ENTPD3: variants seen among roughly 807,000 people sequenced by gnomAD.
ENTPD3 encodes the protein CD39 antigen-like 3.
ENTPD3 carries 60 observed loss-of-function variants against 51.2 expected under a neutral mutation model. The ratio of observed to expected loss-of-function variants is 1.17; its 90% CI spans 0.95 to 1.45. ENTPD3 has a LOEUF of 1.45. Ranked by LOEUF, ENTPD3 falls within the 40% of genes most tolerant of loss-of-function variation. ENTPD3 has a pLI of 0.00. For missense variants in ENTPD3, 593 were observed against 641.1 expected, an observed-to-expected ratio of 0.93 and a Z score of 0.81; for synonymous variants, 221 against 238.4, an observed-to-expected ratio of 0.93 and a Z score of 0.67.
chr3:40,395,922 G>A (rs1051545587), intron 3 of ENTPD3, among the ~76,000 whole-genome samples: 1 of 152,140 alleles, frequency 6.6e-6, no homozygotes, highest in Non-Finnish European at 1.5e-5. Context: ...GGAAAAGAAA[G>A]GGCAAATAGC....
intron 4 of ENTPD3, among the ~76,000 whole-genome samples, chr3:40,405,923 T>C (rs771922825): frequency 6.6e-6 from 1 of 152,212 alleles, no homozygotes; most frequent in African/African-American, 2.4e-5. Flanking sequence ...TTAATAAATA[T>C]GTATTAGGTG....
At chr3:40,413,201 T>C (rs1417737410) in intron 5 of ENTPD3, among the ~76,000 whole-genome samples, 1 of 152,214 alleles carries the variant, frequency 6.6e-6, no homozygotes, top group African/African-American at 2.4e-5. Context: ...GGAGACTGAA[T>C]GCTTAGAGCT....
intron 1 of ENTPD3, 54 bp from the exon 2 acceptor site, chr3:40,387,992 C>A: frequency 1.4e-6 from 2 of 1,473,546 alleles, no homozygotes; most frequent in Non-Finnish European, 1.9e-6. Context: ...GTTCTTTAAA[C>A]TTGTGAGGCC....
At chr3:40,392,356 C>T (rs1003784293) in intron 3 of ENTPD3, 1 of 584,856 alleles carries the variant, frequency 1.7e-6, no homozygotes, top group Middle Eastern at 3.8e-4. Context: ...AGGGTAGTGA[C>T]TGACACCTTC....
chr3:40,422,938 T>G lies in ENTPD3; in HGVS notation c.920T>G (p.Leu307Arg). The change falls in exon 8 of 11, where the codon CTG becomes CGG. Residue 307 changes from leucine to arginine, a missense_variant. By Grantham distance (102) the Leu-to-Arg change is moderately radical. Transcript: ENST00000301825. ...SFTMGHVFDS[L>R]CTVDQRPESY... Reference sequence around the variant, plus strand: ...ACCATGGGCCATGTATTTGATAGCCTGTGCACTGTGGACCAGAGGCCAGAA... The same window carrying G: ...ACCATGGGCCATGTATTTGATAGCCGGTGCACTGTGGACCAGAGGCCAGAA... 3 of 1,614,092 alleles carry G rather than the reference T, an allele frequency of 1.9e-6. No homozygotes were observed. Among genetic ancestry groups the G allele is most frequent in the Non-Finnish European group, 2.5e-6 (3 of 1,179,984 alleles).
At position 40,392,075 on chromosome 3, in the gene ENTPD3, T is replaced by C; in HGVS notation, c.93T>C (p.Leu31=). ...CCATCATTGCCTTGGTGGTCTTGCT[T>C]GTGAGTATTGTGGTACTTGTGAGTA... ...TPTIIALVVL[L]VSIVVLVSIT... is the part of the protein sequence containing the mutation. Residue 31 remains leucine (L), a synonymous_variant, in exon 3 of 11, where the codon CTT becomes CTC. Transcript: ENST00000301825. The C allele has an allele frequency of 6.2e-7, 1 of 1,614,148 alleles. No individual in the cohort carries two copies.
intron 7 of ENTPD3, among the ~76,000 whole-genome samples, chr3:40,416,455 G>A (rs1456030201): frequency 6.6e-6 from 1 of 152,134 alleles, no homozygotes; most frequent in Non-Finnish European, 1.5e-5. Flanking sequence ...GTGGTCACAA[G>A]AGAAATGTGT....
chr3:40,416,066 T>C lies in ENTPD3; in HGVS notation c.824T>C (p.Leu275Pro). The C allele has an allele frequency of 6.2e-7, 1 of 1,613,526 alleles. No individual in the cohort carries two copies. Among genetic ancestry groups the C allele is most frequent in the Non-Finnish European group, 8.5e-7 (1 of 1,179,628 alleles). The change falls in exon 7 of 11, where the codon CTC becomes CCC. Residue 275 changes from leucine to proline, a missense_variant. Physicochemically the swap from Leu to Pro is moderately conservative, Grantham distance 98 (BLOSUM62 -3). Transcript: ENST00000301825. ...NEAEKKFLAM[L>P]LQNSPTKNHL... ...GCTGAGAAGAAGTTTCTGGCAATGC[T>C]CCTGCAGGTACTTGAGTCGGGGGTA...
intron 4 of ENTPD3, 35 bp from the exon 5 acceptor site, chr3:40,411,777 G>A (rs1955636755): frequency 6.5e-7 from 1 of 1,544,194 alleles, no homozygotes; most frequent in South Asian, 1.3e-5. Flanking sequence ...TTGGTTCCTG[G>A]AAATGCTGAC....
intron 10 of ENTPD3, among the ~76,000 whole-genome samples, chr3:40,426,873 T>C (rs565791527): frequency 6.6e-6 from 1 of 152,288 alleles, no homozygotes; most frequent in South Asian, 2.1e-4. Context: ...CCAGAATAAA[T>C]TGACAGTCAG....
At position 40,411,912 on chromosome 3, in the gene ENTPD3, C is replaced by T. The variant is rs1373829893; in HGVS notation, c.387C>T (p.His129=). The change falls in exon 5 of 11, where the codon CAC becomes CAT. Residue 129 remains histidine (H), a synonymous_variant. Transcript: ENST00000301825. ...KVKGQVPSHL[H]GSTPIHLGAT... ...AGGGGCAGGTTCCATCCCACCTCCA[C>T]GGATCCACCCCCATTCACCTGGGAG... 3 of 1,612,374 alleles carry T rather than the reference C, an allele frequency of 1.9e-6. No individual in the cohort carries two copies. The highest frequency in any genetic ancestry group is 1.7e-5 in the Admixed American group (1 of 59,698).
intron 7 of ENTPD3, among the ~76,000 whole-genome samples, chr3:40,420,369 G>A (rs900872187): frequency 6.6e-6 from 1 of 151,578 alleles, no homozygotes; most frequent in Admixed American, 6.6e-5. Context: ...CCGAGTAGCT[G>A]GGACTACAGG....
At chr3:40,413,109 G>C (rs1030631590) in intron 5 of ENTPD3, among the ~76,000 whole-genome samples, 2 of 152,176 alleles carry the variant, frequency 1.3e-5, no homozygotes, top group Non-Finnish European at 2.9e-5. Context: ...ATCTGCTATA[G>C]TGGATGCTTC....
chr3:40,427,606 T>C lies in ENTPD3; in HGVS notation c.*98T>C, dbSNP rs1051175941. On this transcript the variant is annotated 3_prime_UTR_variant, in exon 11 of 11. Coordinates refer to ENST00000301825, the MANE Select transcript of ENTPD3 (RefSeq NM_001248.4). The stretch of plus-strand genomic sequence containing the variant: ...AGTGGCTGCCTTCAGGAAATACAAC[T>C]AACTAAAATCAAACACCTAGGTCAC... 1 of 890,796 alleles carries C rather than the reference T, an allele frequency of 1.1e-6. No individual in the cohort carries two copies. The highest frequency in any genetic ancestry group is 1.7e-5 in the African/African-American group (1 of 59,892). 55.2% of individuals were successfully genotyped at this position (890,796 alleles called of 1,614,324 possible).
At chr3:40,401,312 C>A (rs1226885391) in intron 4 of ENTPD3, among the ~76,000 whole-genome samples, 2 of 152,144 alleles carry the variant, frequency 1.3e-5, no homozygotes, top group Non-Finnish European at 2.9e-5. Flanking sequence ...CTGGAAGACA[C>A]AAGACTCCTG....
chr3:40,402,111 C>CTT (rs775322652), intron 4 of ENTPD3, among the ~76,000 whole-genome samples: 25,795 of 97,530 alleles, frequency 0.26, 2,850 homozygotes, highest in East Asian at 0.46. Flanking sequence ...ATTTCCTTTC[C>CTT]TTTTTTTTTT....
intron 7 of ENTPD3, among the ~76,000 whole-genome samples, chr3:40,420,540 A>G (rs918653812): frequency 6.6e-6 from 1 of 151,694 alleles, no homozygotes; most frequent in African/African-American, 2.4e-5. Flanking sequence ...CGCCCCGCAT[A>G]TTTTTTCTTT....
At chr3:40,423,794 G>T (rs371071401) in intron 9 of ENTPD3, 32 bp from the exon 10 acceptor site, 1 of 1,609,326 alleles carries the variant, frequency 6.2e-7, no homozygotes, top group Non-Finnish European at 8.5e-7. Context: ...ATACCTGCCT[G>T]CCCTGCCTCT....
At chr3:40,418,944 AT>A (rs1179080820) in intron 7 of ENTPD3, among the ~76,000 whole-genome samples, 3 of 152,208 alleles carry the variant, frequency 2.0e-5, no homozygotes, top group Non-Finnish European at 4.4e-5. Context: ...AAGAAAGTAC[AT>A]TCTTATTGTA....
Sources: allele counts gnomAD v4.1 joint callset (sites outside exome capture counted in the v4.1 genomes callset), GRCh38; gene constraint gnomAD v4.1.1; transcripts MANE v1.5; gene names NCBI Gene and HGNC (gene_info 2026-07-23, HGNC 2026-07-21).